TRIO: variants seen among roughly 807,000 people sequenced by gnomAD.
TRIO encodes trio Rho guanine nucleotide exchange factor, also known as triple functional domain protein.
In TRIO, 58 loss-of-function variants were observed where a neutral mutation model predicts 351.9. The observed-to-expected ratio is 0.16, with a 90% CI of 0.13 to 0.21. The LOEUF (loss-of-function observed/expected upper bound fraction) is 0.21, where lower values mean the gene tolerates loss of function less well. TRIO is among the 10% of genes least tolerant of loss of function. TRIO has a pLI of 1.00. For missense variants in TRIO, 3,201 were observed against 4,027.8 expected, an observed-to-expected ratio of 0.79 and a Z score of 5.56; for synonymous variants, 1,758 against 1,595.7, an observed-to-expected ratio of 1.10 and a Z score of -2.42.
intron 49 of TRIO, among the ~76,000 whole-genome samples, chr5:14,493,671 A>G (rs1579824117): frequency 6.6e-6 from 1 of 152,242 alleles, no homozygotes. Context: ...TAAATGTTCA[A>G]GTGGAAGAGT....
chr5:14,447,317 T>C (rs951242198), intron 34 of TRIO, among the ~76,000 whole-genome samples: 1 of 152,210 alleles, frequency 6.6e-6, no homozygotes, highest in Non-Finnish European at 1.5e-5. Context: ...ATGCTGTTAT[T>C]AAAATTAGTA....
At chr5:14,449,758 T>C (rs1353913589) in intron 34 of TRIO, among the ~76,000 whole-genome samples, 1 of 152,246 alleles carries the variant, frequency 6.6e-6, no homozygotes, top group Non-Finnish European at 1.5e-5. Flanking sequence ...AATTGGACTC[T>C]TTCTTCATTT....
At chr5:14,391,532 TA>T (rs1747084047) in intron 27 of TRIO, among the ~76,000 whole-genome samples, 1 of 152,264 alleles carries the variant, frequency 6.6e-6, no homozygotes, top group Non-Finnish European at 1.5e-5. Flanking sequence ...TAAACGTAGA[TA>T]CAGGTCATCT....
chr5:14,347,092 T>C (rs1484936735), intron 11 of TRIO, among the ~76,000 whole-genome samples: 2 of 138,870 alleles, frequency 1.4e-5, no homozygotes, highest in Admixed American at 7.2e-5. Flanking sequence ...CAGGCGGACC[T>C]GAGGTCCTGC....
At chr5:14,301,797 G>A (rs1737920344) in intron 7 of TRIO, among the ~76,000 whole-genome samples, 1 of 152,178 alleles carries the variant, frequency 6.6e-6, no homozygotes, top group Non-Finnish European at 1.5e-5. Context: ...TGCTGGTGCT[G>A]TTGGTTTCAC....
chr5:14,316,420 A>G (rs1051667705), intron 8 of TRIO, 93 bp from the exon 9 acceptor site: 2 of 1,272,104 alleles, frequency 1.6e-6, no homozygotes, highest in Non-Finnish European at 2.2e-6. Context: ...GTGTGCCTGT[A>G]TGTGCACACA....
intron 7 of TRIO, among the ~76,000 whole-genome samples, chr5:14,301,428 C>T (rs1333713850): frequency 9.2e-5 from 14 of 152,034 alleles, no homozygotes; most frequent in Admixed American, 9.2e-4. Context: ...CTAGGGAGCA[C>T]TTAAAGCATC....
At chr5:14,252,216 C>G (rs192144477) in intron 1 of TRIO, among the ~76,000 whole-genome samples, 1 of 152,204 alleles carries the variant, frequency 6.6e-6, no homozygotes, top group Non-Finnish European at 1.5e-5. Context: ...CTTTGCTTTA[C>G]GTGCCATGTC....
At chr5:14,503,851 C>T (rs1757463237) in intron 54 of TRIO, among the ~76,000 whole-genome samples, 1 of 152,256 alleles carries the variant, frequency 6.6e-6, no homozygotes, top group Non-Finnish European at 1.5e-5. Flanking sequence ...AGGCCCCCAC[C>T]TGAGGTCCAA....
At chr5:14,216,742 T>C (rs771254980) in intron 1 of TRIO, among the ~76,000 whole-genome samples, 20 of 152,258 alleles carry the variant, frequency 1.3e-4, no homozygotes, top group Non-Finnish European at 2.5e-4. Context: ...TAGTTTAACA[T>C]GATTCAGTGA....
chr5:14,305,267 C>T (rs1031064934), intron 8 of TRIO, among the ~76,000 whole-genome samples: 2 of 152,252 alleles, frequency 1.3e-5, no homozygotes, highest in African/African-American at 4.8e-5. Flanking sequence ...CCCTCTGCGG[C>T]CTCTGTGCCA....
In TRIO at chr5:14,507,331, C is replaced by T; in HGVS notation, c.8751+71C>T. On this transcript the variant is annotated intron_variant, in intron 56 of 56. Transcript: ENST00000344204. Reference sequence around the variant, plus strand: ...CTTGGCCATGCGGGACACAGAGCCCCCTCTGAAGCCAGGCCAGGAGCCCCC... The same window carrying T: ...CTTGGCCATGCGGGACACAGAGCCCTCTCTGAAGCCAGGCCAGGAGCCCCC... The T allele has an allele frequency of 3.2e-6, 5 of 1,581,546 alleles. No homozygotes were observed. In the South Asian group the frequency reaches 5.8e-5, roughly 18 times the overall value.
chr5:14,432,420 G>T (rs901005923), intron 34 of TRIO, among the ~76,000 whole-genome samples: 1 of 152,198 alleles, frequency 6.6e-6, no homozygotes, highest in African/African-American at 2.4e-5. Flanking sequence ...ATCGTTTATG[G>T]AAGAGCTAAT....
chr5:14,431,271 AGCAGTG>A (rs892856185), intron 34 of TRIO, among the ~76,000 whole-genome samples: 1 of 152,226 alleles, frequency 6.6e-6, no homozygotes, highest in South Asian at 2.1e-4. Context: ...TGGTCTGACC[AGCAGTG>A]GCTGGAACAC....
chr5:14,172,592 A>G (rs1368385804), intron 1 of TRIO, among the ~76,000 whole-genome samples: 1 of 152,208 alleles, frequency 6.6e-6, no homozygotes, highest in African/African-American at 2.4e-5. Flanking sequence ...TTTGGTCACA[A>G]TAACAGGGGG....
chr5:14,422,259 C>G (rs2152391512), intron 34 of TRIO, among the ~76,000 whole-genome samples: 1 of 152,334 alleles, frequency 6.6e-6, no homozygotes, highest in Admixed American at 6.5e-5. Context: ...CGGTATGGAA[C>G]TGGCTTTACA....
rs1173121592 is a variant in TRIO, at chr5:14,396,443, C to CTTTTTTTTTTTTTTTTTT, written c.4312-573_4312-556dup. On this transcript the variant is annotated intron_variant, in intron 28 of 56. Transcript: ENST00000344204. ...ATAATAATTAAATATTTCTATTTAT[C>CTTTTTTTTTTTTTTTTTT]TTTTTTTTTTTTTTTTTTTTTTTTT... 3.6e-4 allele frequency among the ~76,000 whole-genome samples: 15 copies of CTTTTTTTTTTTTTTTTTT among 41,554 alleles called. 1 individual carries two copies. The highest frequency in any genetic ancestry group is 1.3e-3 in the East Asian group (1 of 762). The allele number at this position is 41,554 out of a possible 152,430, so 27.3% of individuals were successfully genotyped here. A position where few individuals can be genotyped will look rare whatever the true frequency, so the allele number is the denominator to read the frequency against.
chr5:14,305,126 C>G (rs558037515), intron 8 of TRIO, among the ~76,000 whole-genome samples: 29 of 152,328 alleles, frequency 1.9e-4, no homozygotes, highest in African/African-American at 7.0e-4. Flanking sequence ...TGACTTAATG[C>G]TCACGTACTG....
Position 14,291,076 on chromosome 5 carries a change from A to C in TRIO, c.901A>C (p.Asn301His). ...TCCCAAAAAGAACTCAGGCTCAGGC[A>C]ATGCGGACCTGCAGAACCTCTTGCC... ...SFPKKNSGSG[N>H]ADLQNLLPKV... The change falls in exon 5 of 57, where the codon AAT becomes CAT. Residue 301 changes from asparagine (N) to histidine (H), a missense_variant. Asn to His is a moderately conservative substitution (Grantham distance 68, BLOSUM62 1). Coordinates refer to ENST00000344204, the MANE Select transcript of TRIO (RefSeq NM_007118.4). 6.2e-7 allele frequency: 1 copy of C among 1,614,216 alleles called. No homozygotes were observed. The highest frequency in any genetic ancestry group is 8.5e-7 in the Non-Finnish European group (1 of 1,180,032).
Sources: gnomAD v4.1 joint callset for allele counts (sites outside exome capture counted in the v4.1 genomes callset) on GRCh38, gnomAD v4.1.1 for gene constraint, MANE v1.5 for transcripts, NCBI Gene and HGNC (gene_info 2026-07-23, HGNC 2026-07-21) for gene names.